ANKRD6: variants seen among roughly 807,000 people sequenced by gnomAD.
The protein encoded by ANKRD6 is ankyrin repeat domain-containing protein 6.
Under a neutral mutation model 82.3 loss-of-function variants are expected in ANKRD6, and 56 were observed. The observed-to-expected ratio is 0.68, with a 90% CI of 0.55 to 0.85. The LOEUF (loss-of-function observed/expected upper bound fraction) is 0.85. Ranked by LOEUF, ANKRD6 falls within the 40% of genes least tolerant of loss-of-function variation. The pLI, the probability that ANKRD6 is intolerant of heterozygous loss-of-function variation, is 0.00. For synonymous variants in ANKRD6, 347 were observed against 352.1 expected (o/e 0.99, Z 0.16); for missense variants, 852 against 907.6 (o/e 0.94, Z 0.79).
At chr6:89,492,193 C>T (rs773833925) in intron 1 of ANKRD6, among the ~76,000 whole-genome samples, 64 of 152,252 alleles carry the variant, frequency 4.2e-4, no homozygotes, top group Admixed American at 1.5e-3. Flanking sequence ...GAGAGAGCGC[C>T]GGGGCTGGGA....
At chr6:89,482,318 A>G (rs371347729) in intron 1 of ANKRD6, among the ~76,000 whole-genome samples, 8 of 152,224 alleles carry the variant, frequency 5.3e-5, no homozygotes, top group African/African-American at 9.6e-5. Context: ...ATGGCCGTAG[A>G]TCTGCATTTT....
At chr6:89,482,630 G>A (rs1776941925) in intron 1 of ANKRD6, among the ~76,000 whole-genome samples, 1 of 152,104 alleles carries the variant, frequency 6.6e-6, no homozygotes, top group Non-Finnish European at 1.5e-5. Flanking sequence ...ATGCACAGGG[G>A]CCGGAATTTT....
intron 13 of ANKRD6, among the ~76,000 whole-genome samples, chr6:89,626,401 A>G (rs1359429585): frequency 1.3e-5 from 2 of 152,176 alleles, no homozygotes; most frequent in African/African-American, 4.8e-5. Context: ...CGAGCCAGTT[A>G]GTGTGACCTG....
At position 89,631,717 on chromosome 6, in the gene ANKRD6, C is replaced by CA. The variant is rs545087760; in HGVS notation, c.*719dup. The CA allele has an allele frequency of 6.6e-6, 1 of 151,948 alleles. No individual in the cohort carries two copies. Among genetic ancestry groups the CA allele is most frequent in the Non-Finnish European group, 1.5e-5 (1 of 67,974 alleles). The allele number at this position is 151,948 out of a possible 1,614,324, so 9.4% of individuals were successfully genotyped here. A position where few individuals can be genotyped will look rare whatever the true frequency, so the allele number is the denominator to read the frequency against. On this transcript the variant is annotated 3_prime_UTR_variant, in exon 16 of 16. Coordinates refer to ENST00000339746, the MANE Select transcript of ANKRD6 (RefSeq NM_001242809.2). ...GTTTGTTATTTTCTGTATTTTCAGT[C>CA]AAAAAATCAGTTATATAGTGATTTT... is the stretch of plus-strand genomic sequence containing the variant.
intron 1 of ANKRD6, among the ~76,000 whole-genome samples, chr6:89,450,876 G>A (rs1020371002): frequency 1.3e-5 from 2 of 152,070 alleles, no homozygotes; most frequent in African/African-American, 2.4e-5. Flanking sequence ...AATAGACTAC[G>A]ATATAGTGTA....
intron 1 of ANKRD6, among the ~76,000 whole-genome samples, chr6:89,516,213 C>T (rs867741951): frequency 1.3e-5 from 2 of 152,114 alleles, no homozygotes; most frequent in South Asian, 4.1e-4. Context: ...AGCAGATGGC[C>T]CTCCCCAGTG....
At chr6:89,492,512 G>T (rs1778133751) in intron 1 of ANKRD6, among the ~76,000 whole-genome samples, 2 of 152,148 alleles carry the variant, frequency 1.3e-5, no homozygotes, top group Non-Finnish European at 2.9e-5. Flanking sequence ...CCTTGATTTT[G>T]CCTGCTGAAG....
chr6:89,519,322 C>T (rs1292606195), intron 1 of ANKRD6, among the ~76,000 whole-genome samples: 1 of 152,190 alleles, frequency 6.6e-6, no homozygotes, highest in Admixed American at 6.5e-5. Flanking sequence ...GAATCTACTG[C>T]AGAAGCCCAG....
chr6:89,620,828 G>A (rs535361371), intron 9 of ANKRD6, among the ~76,000 whole-genome samples: 2 of 152,260 alleles, frequency 1.3e-5, no homozygotes, highest in South Asian at 2.1e-4. Context: ...CACTTTGGGA[G>A]CCCAAGATGG....
At chr6:89,605,930 CA>C in intron 4 of ANKRD6, 76 bp from the exon 5 acceptor site, 1 of 1,020,284 alleles carries the variant, frequency 9.8e-7, no homozygotes. Context: ...CGTAAAAATC[CA>C]CTGTGATGTA....
chr6:89,519,093 A>G (rs1287064512), intron 1 of ANKRD6, among the ~76,000 whole-genome samples: 2 of 151,946 alleles, frequency 1.3e-5, no homozygotes, highest in African/African-American at 4.8e-5. Flanking sequence ...CTCTTTAAAG[A>G]CCCTCTCTCC....
chr6:89,451,653 A>G (rs79976693), intron 1 of ANKRD6, among the ~76,000 whole-genome samples: 189 of 152,328 alleles, frequency 1.2e-3, no homozygotes, highest in Non-Finnish European at 2.1e-3. Context: ...CTGTCATTGT[A>G]CGTCCTAAAC....
chr6:89,557,938 A>G (rs1314363170), intron 1 of ANKRD6, among the ~76,000 whole-genome samples: 1 of 152,046 alleles, frequency 6.6e-6, no homozygotes, highest in Non-Finnish European at 1.5e-5. Context: ...CAGGAAAACA[A>G]GCTCAGGGTT....
intron 1 of ANKRD6, among the ~76,000 whole-genome samples, chr6:89,548,798 C>A (rs529244520): frequency 2.0e-5 from 3 of 152,178 alleles, no homozygotes; most frequent in Non-Finnish European, 2.9e-5. Flanking sequence ...GGTTACGCAG[C>A]GTCTTAGTGT....
chr6:89,618,676 A>G (rs894756662), intron 9 of ANKRD6, among the ~76,000 whole-genome samples: 1 of 152,218 alleles, frequency 6.6e-6, no homozygotes, highest in African/African-American at 2.4e-5. Context: ...TGTTTCATCC[A>G]CAAAATAGAT....
chr6:89,453,416 A>G (rs1330053583), intron 1 of ANKRD6, among the ~76,000 whole-genome samples: 2 of 152,248 alleles, frequency 1.3e-5, no homozygotes, highest in African/African-American at 2.4e-5. Flanking sequence ...AAAACTTATC[A>G]AGAGTAGTTT....
intron 1 of ANKRD6, among the ~76,000 whole-genome samples, chr6:89,493,785 C>T (rs941246834): frequency 4.6e-5 from 7 of 152,108 alleles, no homozygotes; most frequent in South Asian, 2.1e-4. Context: ...ATAAGCCCTT[C>T]CTCACAGAAT....
At chr6:89,578,436 C>T (rs544008210) in intron 2 of ANKRD6, among the ~76,000 whole-genome samples, 2 of 151,978 alleles carry the variant, frequency 1.3e-5, no homozygotes, top group Non-Finnish European at 2.9e-5. Flanking sequence ...GCTGGGACTA[C>T]AGACACGTGC....
chr6:89,622,846 C>A lies in ANKRD6; in HGVS notation c.898-564C>A, dbSNP rs572143094. On this transcript the variant is annotated intron_variant, in intron 10 of 15. Transcript: ENST00000339746. ...GCTCTTCTATCTGCTATTTCACAAT[C>A]CTCTCATCAATTTCCAGGGTTAAGG... is the stretch of plus-strand genomic sequence containing the variant. Among the ~76,000 whole-genome samples, 5 of 152,188 alleles carry A rather than the reference C, an allele frequency of 3.3e-5. No individual in the cohort carries two copies. The South Asian group carries it at 1.0e-3, about 32-fold the overall frequency.
Sources: allele counts gnomAD v4.1 joint callset (sites outside exome capture counted in the v4.1 genomes callset), GRCh38; gene constraint gnomAD v4.1.1; transcripts MANE v1.5; gene names NCBI Gene and HGNC (gene_info 2026-07-23, HGNC 2026-07-21).